NBPF9: variants seen among roughly 807,000 people sequenced by gnomAD.
NBPF9 encodes the protein NBPF family member NBPF9.
In NBPF9, 91 loss-of-function variants were observed where a neutral mutation model predicts 97.8. The observed-to-expected ratio is 0.93, with a 90% CI of 0.79 to 1.11. The LOEUF (loss-of-function observed/expected upper bound fraction) is 1.11. Among genes scored for constraint, NBPF9 ranks in the 50% least tolerant of loss-of-function variants. The pLI is 0.00. For missense variants in NBPF9, 992 were observed against 939.5 expected (o/e 1.06, Z -0.73); for synonymous variants, 334 against 359.5 (o/e 0.93, Z 0.80).
intron 7 of NBPF9, among the ~76,000 whole-genome samples, chr1:149,081,419 C>G (rs1477958563): frequency 6.6e-6 from 1 of 150,634 alleles, no homozygotes; most frequent in African/African-American, 2.4e-5. Context: ...TGCACGGCCC[C>G]TACTCCCTGC....
intron 5 of NBPF9, among the ~76,000 whole-genome samples, chr1:149,089,227 C>T (rs587622009): frequency 3.2e-4 from 48 of 152,310 alleles, no homozygotes; most frequent in African/African-American, 1.2e-3. Flanking sequence ...CTGTTCCCCT[C>T]ACCCATGCAT....
intron 14 of NBPF9, among the ~76,000 whole-genome samples, chr1:149,072,257 T>C (rs1248711799): frequency 4.6e-5 from 7 of 151,918 alleles, no homozygotes; most frequent in South Asian, 2.1e-4. Flanking sequence ...CAGTTGTAAG[T>C]GTTCCCACAT....
At chr1:149,097,165 G>A (rs1439047756) in intron 4 of NBPF9, among the ~76,000 whole-genome samples, 1 of 151,534 alleles carries the variant, frequency 6.6e-6, no homozygotes, top group Non-Finnish European at 1.5e-5. Flanking sequence ...GAGTGGGAGA[G>A]AAGTAGGGAA....
intron 19 of NBPF9, among the ~76,000 whole-genome samples, 189 bp from the exon 20 acceptor site, chr1:149,063,994 A>ACACC (rs1177341544): frequency 6.9e-5 from 4 of 57,796 alleles, no homozygotes; most frequent in African/African-American, 2.7e-4. Context: ...AAAGAGAAAG[A>ACACC]CACACACACA....
At chr1:149,053,193 A>G (rs202211460), downstream of NBPF9, among the ~76,000 whole-genome samples, 233 of 37,272 alleles carry the variant, frequency 6.3e-3, no homozygotes, top group Middle Eastern at 0.012. Flanking sequence ...AGAGGTGCCA[A>G]TCTTGGAAAT....
At chr1:149,061,405 A>C in intron 22 of NBPF9, 22 bp from the exon 23 acceptor site, 1 of 389,764 alleles carries the variant, frequency 2.6e-6, no homozygotes, top group South Asian at 2.6e-5. Context: ...TCAGACAGGG[A>C]CAGACAAAAT....
At chr1:149,072,692 G>A (rs1307262163) in intron 14 of NBPF9, 26 bp downstream of exon 14, 14 of 1,611,584 alleles carry the variant, frequency 8.7e-6, no homozygotes, top group East Asian at 2.2e-5. Flanking sequence ...GGGGTTTTGG[G>A]TCAACAGGGC....
intron 14 of NBPF9, among the ~76,000 whole-genome samples, chr1:149,072,212 T>C (rs1193234705): frequency 1.3e-5 from 2 of 151,406 alleles, no homozygotes; most frequent in South Asian, 2.1e-4. Context: ...TTCTCCAACA[T>C]CACACGGCGA....
At chr1:149,054,761 T>G (rs9424782) in exon 30 of NBPF9, 5 of 151,956 alleles carry the variant, frequency 3.3e-5, no homozygotes, top group Admixed American at 1.3e-4. Flanking sequence ...ATCTTTTTAC[T>G]TTTTTTGAAC....
intron 7 of NBPF9, among the ~76,000 whole-genome samples, chr1:149,080,386 C>T (rs2080320773): frequency 6.6e-6 from 1 of 150,532 alleles, no homozygotes; most frequent in African/African-American, 2.5e-5. Flanking sequence ...AGGAAGTTGA[C>T]AAGATGATTC....
In NBPF9 at chr1:149,090,899, C is replaced by G. The variant is rs1199862005; in HGVS notation, c.-336-5G>C. 2 of 479,810 alleles carry G rather than the reference C, an allele frequency of 4.2e-6. No individual in the cohort carries two copies. Among genetic ancestry groups the G allele is most frequent in the Non-Finnish European group, 3.6e-6 (1 of 280,522 alleles). The allele number at this position is 479,810 out of a possible 1,614,324, so 29.7% of individuals were successfully genotyped here. ...GACCATCCTTATCTTCAAGGGCTAC[C>G]AAGAAGAAACAAATCATTTATTTAC... On this transcript the variant is annotated splice_polypyrimidine_tract_variant and splice_region_variant and intron_variant, in intron 4 of 29. Transcript: ENST00000584027.
At chr1:149,063,234 G>A (rs1188719036) in intron 20 of NBPF9, among the ~76,000 whole-genome samples, 1 of 126,598 alleles carries the variant, frequency 7.9e-6, no homozygotes, top group African/African-American at 3.2e-5. Context: ...GAGAAAAACT[G>A]CACTATTCAG....
At chr1:149,064,009 C>CACACAG (rs1419658520) in intron 19 of NBPF9, among the ~76,000 whole-genome samples, 1 of 111,446 alleles carries the variant, frequency 9.0e-6, no homozygotes, top group African/African-American at 3.7e-5. Context: ...CACACACACA[C>CACACAG]AGACACAGAC....
chr1:149,076,034 C>G (rs1423802680), intron 11 of NBPF9, among the ~76,000 whole-genome samples, 170 bp from the exon 12 acceptor site: 4 of 152,038 alleles, frequency 2.6e-5, no homozygotes, highest in African/African-American at 9.6e-5. Flanking sequence ...GTCAACTTGT[C>G]TTAGCTATGC....
At chr1:149,088,099 G>C (rs1194087659) in intron 5 of NBPF9, among the ~76,000 whole-genome samples, 1,157 of 151,974 alleles carry the variant, frequency 7.6e-3, no homozygotes, top group African/African-American at 0.027. Context: ...CCAAAGTGCT[G>C]AGATTACAGG....
At chr1:149,054,792 T>C (rs2078102943) in exon 30 of NBPF9, 1 of 152,128 alleles carries the variant, frequency 6.6e-6, no homozygotes, top group African/African-American at 2.4e-5. Context: ...TCTTCTCCTT[T>C]TTGTTGTGTG....
chr1:149,055,927 C>G (rs1179819187), intron 29 of NBPF9, 28 bp from the exon 30 acceptor site: 1 of 1,611,678 alleles, frequency 6.2e-7, no homozygotes, highest in East Asian at 2.2e-5. Flanking sequence ...ACTAAAGAAG[C>G]AGCCAGGGAA....
intron 16 of NBPF9, among the ~76,000 whole-genome samples, chr1:149,070,193 C>A (rs2079288345): frequency 1.3e-5 from 2 of 150,862 alleles, no homozygotes; most frequent in African/African-American, 4.9e-5. Flanking sequence ...TGATGTTGTG[C>A]ACCTGTGGTC....
rs1465411947 is a variant in NBPF9, at chr1:149,077,876, G to A, written c.566+7C>T. On this transcript the variant is annotated splice_region_variant and intron_variant, in intron 10 of 29. Coordinates refer to ENST00000584027, the Ensembl canonical transcript of NBPF9. ...CCCATTACTTGCTCCTGAGTATTCAGTGTTACCTGGGGGCAGATGATTCCA... is the reference window on the plus strand; with the variant it reads ...CCCATTACTTGCTCCTGAGTATTCAATGTTACCTGGGGGCAGATGATTCCA... 1.2e-5 allele frequency: 19 copies of A among 1,573,070 alleles called. 1 individual carries two copies. Among genetic ancestry groups the A allele is most frequent in the South Asian group, 6.6e-5 (6 of 90,248 alleles).
Sources: allele counts gnomAD v4.1 joint callset (sites outside exome capture counted in the v4.1 genomes callset), GRCh38; gene constraint gnomAD v4.1.1; transcripts MANE v1.5; gene names NCBI Gene and HGNC (gene_info 2026-07-23, HGNC 2026-07-21).